Variants in IARS2 observed in about 807,000 individuals in gnomAD.
IARS2 encodes isoleucine--tRNA ligase, mitochondrial.
IARS2 carries 56 observed loss-of-function variants against 126.3 expected under a neutral mutation model. The observed-to-expected ratio is 0.44, with a 90% confidence interval of 0.36 to 0.55. The LOEUF (loss-of-function observed/expected upper bound fraction) is 0.55, where lower values mean the gene tolerates loss of function less well. Ranked by LOEUF, IARS2 falls within the 20% of genes least tolerant of loss-of-function variation. The pLI is 0.00. For missense variants in IARS2, 1,127 were observed against 1,245.9 expected, an observed-to-expected ratio of 0.90 and a Z score of 1.44; for synonymous variants, 407 against 441.1, an observed-to-expected ratio of 0.92 and a Z score of 0.97.
At chr1:220,108,263 T>C (rs549275818) in intron 10 of IARS2, among the ~76,000 whole-genome samples, 83 of 152,258 alleles carry the variant, frequency 5.5e-4, no homozygotes, top group African/African-American at 2.0e-3. Flanking sequence ...GGTTTCACCA[T>C]GTTGGCCAGG....
Position 220,107,115 on chromosome 1 carries a change from C to G in IARS2, c.1291C>G (p.Gln431Glu). ...VFTDVAGPELQNKAVLEEGTD... is the reference protein window; with the variant it reads ...VFTDVAGPELENKAVLEEGTD... ...CACAGATGTTGCAGGTCCTGAACTT[C>G]AAAACAAGGCTGTCCTTGAAGAGGG... The change falls in exon 10 of 23, where the codon CAA becomes GAA. Residue 431 changes from glutamine (Q) to glutamate (E), a missense_variant. Gln to Glu is a conservative substitution (Grantham distance 29). Transcript: ENST00000366922. The G allele has an allele frequency of 6.2e-7, 1 of 1,613,580 alleles. No homozygotes were observed. Among genetic ancestry groups the G allele is most frequent in the Non-Finnish European group, 8.5e-7 (1 of 1,179,530 alleles).
At chr1:220,138,465 G>A (rs547168091) in intron 17 of IARS2, among the ~76,000 whole-genome samples, 1 of 151,704 alleles carries the variant, frequency 6.6e-6, no homozygotes, top group African/African-American at 2.4e-5. Flanking sequence ...GCAAGACCTT[G>A]TCTCAAAAAA....
rs1425121552 is a variant in IARS2, at chr1:220,137,913, A to G, written c.2050-5A>G. 36 of 1,613,270 alleles carry G rather than the reference A, an allele frequency of 2.2e-5. No homozygotes were observed. The East Asian group carries it at 7.8e-4, about 35-fold the overall frequency. Reference sequence around the variant, plus strand: ...GTGTTTATATATTTTTTTCTCAATGAAAAGGATCAAAGCAAAGAGCCTCCG... The same window carrying G: ...GTGTTTATATATTTTTTTCTCAATGGAAAGGATCAAAGCAAAGAGCCTCCG... On this transcript the variant is annotated splice_region_variant and splice_polypyrimidine_tract_variant and intron_variant, in intron 16 of 22. Transcript: ENST00000366922.
At chr1:220,126,106 C>CAA (rs372363841) in intron 13 of IARS2, among the ~76,000 whole-genome samples, 71 of 81,456 alleles carry the variant, frequency 8.7e-4, no homozygotes, top group Middle Eastern at 8.3e-3. Flanking sequence ...AACTCTGTCT[C>CAA]AAAAAAAAAA....
intron 10 of IARS2, among the ~76,000 whole-genome samples, chr1:220,107,745 A>T (rs148620677): frequency 2.6e-3 from 397 of 152,318 alleles, no homozygotes; most frequent in African/African-American, 9.0e-3. Context: ...GTCTAAATTC[A>T]TCGTACTGGC....
chr1:220,145,869 A>T (rs1310925324), intron 22 of IARS2, among the ~76,000 whole-genome samples: 2 of 152,188 alleles, frequency 1.3e-5, no homozygotes, highest in African/African-American at 4.8e-5. Flanking sequence ...GGGACAGAAG[A>T]GGGAGAGAGA....
At position 220,126,802 on chromosome 1, in the gene IARS2, T is replaced by A. The variant is rs771295704; in HGVS notation, c.1796T>A (p.Ile599Asn). ...GTGCCAGGTCAGGATATTTTGGACA[T>A]CTGGTTTGATAGCGGAACTTCATGG... The part of the protein sequence containing the change: ...EYVPGQDILD[I>N]WFDSGTSWSY... Residue 599 changes from isoleucine to asparagine, a missense_variant, in exon 14 of 23, where the codon ATC becomes AAC. Coordinates refer to ENST00000366922, the MANE Select transcript of IARS2 (RefSeq NM_018060.4). The A allele has an allele frequency of 6.2e-7, 1 of 1,613,462 alleles. No homozygotes were observed. The highest frequency in any genetic ancestry group is 1.1e-5 in the South Asian group (1 of 90,870).
chr1:220,134,126 T>C (rs555050207), intron 14 of IARS2, among the ~76,000 whole-genome samples: 3 of 152,280 alleles, frequency 2.0e-5, no homozygotes, highest in African/African-American at 7.2e-5. Context: ...CATGATTAGA[T>C]CCACGTTATG....
In IARS2 at chr1:220,140,298, G is replaced by A. The variant is rs1327353587; in HGVS notation, c.2414+9G>A. 1 of 1,473,692 alleles carries A rather than the reference G, an allele frequency of 6.8e-7. No homozygotes were observed. The highest frequency in any genetic ancestry group is 1.1e-5 in the South Asian group (1 of 87,904). The allele number at this position is 1,473,692 out of a possible 1,614,324, so 91.3% of individuals were successfully genotyped here. On this transcript the variant is annotated intron_variant, in intron 19 of 22. Transcript: ENST00000366922. ...AGTATAATCAAAGATAGGTATGTAT[G>A]ACTAAATATTAAAATGCTTAACAAT... is the stretch of plus-strand genomic sequence containing the variant.
intron 16 of IARS2, among the ~76,000 whole-genome samples, chr1:220,137,252 C>T (rs889087136): frequency 6.6e-6 from 1 of 152,032 alleles, no homozygotes; most frequent in Admixed American, 6.6e-5. Context: ...AGTGTTGGCA[C>T]ATTGCTGTCT....
In IARS2 at chr1:220,107,095, A is replaced by G; in HGVS notation, c.1271A>G (p.Asp424Gly). The G allele has an allele frequency of 1.2e-6, 2 of 1,613,614 alleles. No homozygotes were observed. The highest frequency in any genetic ancestry group is 8.5e-7 in the Non-Finnish European group (1 of 1,179,532). Residue 424 changes from aspartate (D) to glycine (G), a missense_variant, in exon 10 of 23, where the codon GAT becomes GGT. Coordinates refer to ENST00000366922, the MANE Select transcript of IARS2 (RefSeq NM_018060.4). ...CLVDEDGVFT[D>G]VAGPELQNKA... ...GTGGACGAAGATGGAGTTTTCACAG[A>G]TGTTGCAGGTCCTGAACTTCAAAAC...
chr1:220,101,100 A>G lies in IARS2; in HGVS notation c.550+451A>G, dbSNP rs1338721572. On this transcript the variant is annotated intron_variant, in intron 3 of 22. Transcript: ENST00000366922. The stretch of plus-strand genomic sequence containing the variant: ...ATATGTTATACTATTGTACATTTGG[A>G]TGTAACTGTGAAGATTTTTTTACTT... Among the ~76,000 whole-genome samples the G allele has an allele frequency of 7.2e-5, 11 of 152,206 alleles. No homozygotes were observed. The East Asian group carries it at 1.7e-3, about 24-fold the overall frequency.
intron 10 of IARS2, among the ~76,000 whole-genome samples, chr1:220,108,081 GAC>G (rs1656717487): frequency 6.6e-6 from 1 of 150,908 alleles, no homozygotes; most frequent in Non-Finnish European, 1.5e-5. Context: ...TTTTTTTTGA[GAC>G]ACAGTCTCAC....
chr1:220,109,399 C>CA lies in IARS2; in HGVS notation c.1328-1371dup, dbSNP rs1181239421. Among the ~76,000 whole-genome samples, 341 of 113,184 alleles carry CA rather than the reference C, an allele frequency of 3.0e-3. 4 individuals are homozygous for CA. The highest frequency in any genetic ancestry group is 5.5e-3 in the African/African-American group (157 of 28,500). The allele number at this position is 113,184 out of a possible 152,430, so 74.3% of individuals were successfully genotyped here. A position where few individuals can be genotyped will look rare whatever the true frequency, so the allele number is the denominator to read the frequency against. The stretch of plus-strand genomic sequence containing the variant: ...TGGGCAACAGAGCGAGAGTCCATCT[C>CA]AAAAAAAAAAAAAAAATCTGCCAGC... On this transcript the variant is annotated intron_variant, in intron 10 of 22. Coordinates refer to ENST00000366922, the MANE Select transcript of IARS2 (RefSeq NM_018060.4).
intron 2 of IARS2, among the ~76,000 whole-genome samples, chr1:220,097,440 T>G (rs1199977533): frequency 1.3e-5 from 2 of 150,452 alleles, no homozygotes; most frequent in African/African-American, 4.9e-5. Flanking sequence ...CTTGGCTCAC[T>G]GCAATCTCCG....
chr1:220,145,750 G>A, intron 22 of IARS2, 97 bp downstream of exon 22: 1 of 970,640 alleles, frequency 1.0e-6, no homozygotes, highest in Non-Finnish European at 1.5e-6. Flanking sequence ...TCTAAAGGTA[G>A]ATATATACTT....
intron 2 of IARS2, among the ~76,000 whole-genome samples, chr1:220,099,748 T>TA (rs1656533014): frequency 6.6e-6 from 1 of 152,136 alleles, no homozygotes; most frequent in Non-Finnish European, 1.5e-5. Flanking sequence ...TTGATTTAAA[T>TA]AATATACCCA....
chr1:220,133,454 TC>T (rs1422870942), intron 14 of IARS2, among the ~76,000 whole-genome samples: 1 of 152,196 alleles, frequency 6.6e-6, no homozygotes, highest in Non-Finnish European at 1.5e-5. Context: ...TTGGTTTGAT[TC>T]AGTTATTTAA....
At chr1:220,110,466 A>G (rs1016351822) in intron 10 of IARS2, among the ~76,000 whole-genome samples, 1 of 152,172 alleles carries the variant, frequency 6.6e-6, no homozygotes, top group African/African-American at 2.4e-5. Flanking sequence ...CCCAGGTTCA[A>G]GCGATTCTCC....
Sources: allele counts gnomAD v4.1 joint callset (sites outside exome capture counted in the v4.1 genomes callset), GRCh38; gene constraint gnomAD v4.1.1; transcripts MANE v1.5; gene names NCBI Gene and HGNC (gene_info 2026-07-23, HGNC 2026-07-21).